LRGUK: variants seen among roughly 807,000 people sequenced by gnomAD.
LRGUK encodes the protein leucine-rich repeat and guanylate kinase domain-containing protein.
In LRGUK, 65 loss-of-function variants were observed where a neutral mutation model predicts 76.0. The observed-to-expected ratio is 0.85, with a 90% CI of 0.70 to 1.05. The LOEUF is 1.05. Among genes scored for constraint, LRGUK ranks in the 50% least tolerant of loss-of-function variants. LRGUK has a pLI of 0.00. For missense variants in LRGUK, 758 were observed against 732.8 expected (o/e 1.03, Z -0.40); for synonymous variants, 268 against 265.6 (o/e 1.01, Z -0.09).
chr7:134,158,060 A>G, exon 6 of LRGUK: 3 of 1,613,026 alleles, frequency 1.9e-6, no homozygotes, highest in South Asian at 2.2e-5. Flanking sequence ...AAATCAGTGG[A>G]CTAGAGATGT....
chr7:134,240,917 G>T (rs979308337), intron 16 of LRGUK, among the ~76,000 whole-genome samples: 9 of 152,144 alleles, frequency 5.9e-5, no homozygotes, highest in African/African-American at 9.7e-5. Flanking sequence ...TTAAAGAAAA[G>T]AATTTTCAAC....
chr7:134,238,661 G>A (rs573540343), intron 16 of LRGUK, among the ~76,000 whole-genome samples: 41 of 151,774 alleles, frequency 2.7e-4, no homozygotes, highest in Middle Eastern at 3.4e-3. Flanking sequence ...AATGTCTTTC[G>A]TTTATTCTGA....
chr7:134,197,638 T>C (rs1054037133), intron 13 of LRGUK, among the ~76,000 whole-genome samples: 2 of 152,184 alleles, frequency 1.3e-5, no homozygotes, highest in African/African-American at 2.4e-5. Context: ...TAACTGCAGT[T>C]GCTCACTGGG....
chr7:134,269,221 G>A (rs367622026), downstream of LRGUK, among the ~76,000 whole-genome samples: 13 of 151,944 alleles, frequency 8.6e-5, no homozygotes, highest in East Asian at 5.8e-4. Context: ...GTAGATCCAC[G>A]GATTATTTAG....
rs1798832155 is a variant in LRGUK, at chr7:134,163,337, C to T, written c.796-60C>T. 4.1e-6 allele frequency: 6 copies of T among 1,463,078 alleles called. No individual in the cohort carries two copies. In the Admixed American group the frequency reaches 9.7e-5, roughly 24 times the overall value. 90.6% of individuals were successfully genotyped at this position (1,463,078 alleles called of 1,614,324 possible). On this transcript the variant is annotated intron_variant, in intron 6 of 15. Transcript: ENST00000645682. ...GGTCAGTATCCCAAATGAAAACTTG[C>T]CATTACAACTTTTCCTTGAGAGGTC...
chr7:134,268,105 A>G (rs1396058608), downstream of LRGUK, among the ~76,000 whole-genome samples: 1 of 152,172 alleles, frequency 6.6e-6, no homozygotes, highest in East Asian at 1.9e-4. Context: ...ATAAACACAG[A>G]TCGAGCAGAA....
intron 16 of LRGUK, among the ~76,000 whole-genome samples, chr7:134,228,253 A>T (rs1056780362): frequency 6.6e-6 from 1 of 152,210 alleles, no homozygotes; most frequent in Non-Finnish European, 1.5e-5. Context: ...CCCAGTGAAG[A>T]TATCATCCAA....
At chr7:134,186,563 A>G (rs955915712) in intron 11 of LRGUK, among the ~76,000 whole-genome samples, 2 of 152,264 alleles carry the variant, frequency 1.3e-5, no homozygotes, top group African/African-American at 4.8e-5. Context: ...AACAGATCAT[A>G]TAAATGACTG....
intron 15 of LRGUK, among the ~76,000 whole-genome samples, chr7:134,218,454 G>T (rs139984400): frequency 0.01 from 1,539 of 152,244 alleles, 10 homozygotes; most frequent in Non-Finnish European, 0.016. Flanking sequence ...TTGGACAGGA[G>T]AATGACTAAA....
chr7:134,128,400 CTCT>C (rs1179467932), intron 1 of LRGUK, among the ~76,000 whole-genome samples: 16 of 152,196 alleles, frequency 1.1e-4, no homozygotes, highest in Non-Finnish European at 7.3e-5. Flanking sequence ...CACACAATTC[CTCT>C]TCTTTCTTAT....
At chr7:134,262,109 C>T (rs1281213814) in intron 19 of LRGUK, among the ~76,000 whole-genome samples, 4 of 152,208 alleles carry the variant, frequency 2.6e-5, no homozygotes, top group African/African-American at 9.6e-5. Flanking sequence ...TGCATTGGCT[C>T]ATGTCTGTAA....
downstream of LRGUK, among the ~76,000 whole-genome samples, chr7:134,211,290 G>T (rs1012667026): frequency 2.0e-5 from 3 of 152,238 alleles, no homozygotes; most frequent in African/African-American, 7.2e-5. Flanking sequence ...TTTGTGTCCA[G>T]ACACGAATCC....
intron 10 of LRGUK, among the ~76,000 whole-genome samples, chr7:134,181,431 T>C (rs1418528994): frequency 2.6e-5 from 4 of 152,240 alleles, no homozygotes; most frequent in Admixed American, 1.3e-4. Flanking sequence ...TTCTTTTTCT[T>C]TAAAGCCAAG....
intron 10 of LRGUK, among the ~76,000 whole-genome samples, chr7:134,180,192 C>T (rs1037610234): frequency 6.6e-6 from 1 of 152,104 alleles, no homozygotes; most frequent in African/African-American, 2.4e-5. Flanking sequence ...CAATTCCAGT[C>T]TGGGGGTTAA....
chr7:134,150,448 G>A (rs1202066907), intron 5 of LRGUK, among the ~76,000 whole-genome samples: 4 of 143,276 alleles, frequency 2.8e-5, no homozygotes, highest in Middle Eastern at 7.9e-3. Flanking sequence ...GCGACAGAGC[G>A]AGACTTCGTC....
intron 10 of LRGUK, among the ~76,000 whole-genome samples, chr7:134,179,028 T>C (rs1014318122): frequency 4.0e-5 from 6 of 151,320 alleles, no homozygotes; most frequent in Non-Finnish European, 8.8e-5. Flanking sequence ...ATATCCATTG[T>C]AAATTTTCCC....
At chr7:134,256,459 CAAAAAAAAAA>C (rs34522132) in intron 18 of LRGUK, among the ~76,000 whole-genome samples, 7 of 57,506 alleles carry the variant, frequency 1.2e-4, no homozygotes, top group African/African-American at 3.8e-4. Context: ...AACTCTGTCT[CAAAAAAAAAA>C]AAAAAAAAAA....
At chr7:134,216,277 G>A (rs896633374) in intron 15 of LRGUK, among the ~76,000 whole-genome samples, 1 of 152,126 alleles carries the variant, frequency 6.6e-6, no homozygotes, top group Non-Finnish European at 1.5e-5. Context: ...CATTGAAAGA[G>A]GATGATACTG....
chr7:134,206,909 G>A (rs60717810), intron 15 of LRGUK, among the ~76,000 whole-genome samples: 1,792 of 152,268 alleles, frequency 0.012, 38 homozygotes, highest in African/African-American at 0.042. Context: ...AATGATGATG[G>A]TTATGATAAG....
Sources: gnomAD v4.1 joint callset for allele counts (sites outside exome capture counted in the v4.1 genomes callset) on GRCh38, gnomAD v4.1.1 for gene constraint, MANE v1.5 for transcripts, NCBI Gene and HGNC (gene_info 2026-07-23, HGNC 2026-07-21) for gene names.